Variants in CFDP1 observed in about 807,000 individuals in gnomAD.
CFDP1 encodes the protein heterochromatin-stabilizing protein CFDP1.
CFDP1 carries 31 observed loss-of-function variants against 40.1 expected under a neutral mutation model. The ratio of observed to expected loss-of-function variants is 0.77; its 90% CI spans 0.58 to 1.04. CFDP1 has a LOEUF of 1.04. Ranked by LOEUF, CFDP1 falls within the 50% of genes least tolerant of loss-of-function variation. The pLI is 0.00. For missense variants in CFDP1, 423 were observed against 343.4 expected, an observed-to-expected ratio of 1.23 and a Z score of -1.83; for synonymous variants, 167 against 120.0, an observed-to-expected ratio of 1.39 and a Z score of -2.56.
At chr16:75,408,173 G>A (rs920538278) in intron 4 of CFDP1, among the ~76,000 whole-genome samples, 12 of 151,950 alleles carry the variant, frequency 7.9e-5, no homozygotes, top group African/African-American at 2.4e-4. Context: ...AAGAACGCAC[G>A]CACAGTACAT....
intron 4 of CFDP1, among the ~76,000 whole-genome samples, chr16:75,407,046 A>C (rs534605672): frequency 6.6e-6 from 1 of 152,214 alleles, no homozygotes; most frequent in East Asian, 1.9e-4. Flanking sequence ...CAAACAAATA[A>C]ATGAAATAAA....
intron 5 of CFDP1, among the ~76,000 whole-genome samples, chr16:75,350,204 ATG>A (rs2078601038): frequency 6.6e-6 from 1 of 152,194 alleles, no homozygotes; most frequent in East Asian, 1.9e-4. Context: ...CTATGAACAT[ATG>A]TGTGCAAGTT....
intron 5 of CFDP1, among the ~76,000 whole-genome samples, chr16:75,311,110 A>C (rs2078290493): frequency 6.6e-6 from 1 of 152,222 alleles, no homozygotes; most frequent in African/African-American, 2.4e-5. Context: ...AGGGATGTTT[A>C]GTCCAACCTC....
intron 6 of CFDP1, among the ~76,000 whole-genome samples, chr16:75,299,283 G>A (rs1397155999): frequency 6.6e-6 from 1 of 152,082 alleles, no homozygotes; most frequent in Non-Finnish European, 1.5e-5. Flanking sequence ...TTCTTTTCTG[G>A]GTGATTAATT....
intron 5 of CFDP1, among the ~76,000 whole-genome samples, chr16:75,341,517 T>C (rs1276228800): frequency 6.6e-6 from 1 of 152,166 alleles, no homozygotes; most frequent in Non-Finnish European, 1.5e-5. Context: ...AGAGATTGGC[T>C]AGATTAGCAG....
At chr16:75,306,436 G>C (rs2078257841) in intron 5 of CFDP1, 1 of 152,246 alleles carries the variant, frequency 6.6e-6, no homozygotes, top group Non-Finnish European at 1.5e-5. Context: ...CTGAACACCA[G>C]ACTGCTGGGA....
intron 5 of CFDP1, among the ~76,000 whole-genome samples, chr16:75,371,258 T>C (rs2078749204): frequency 6.6e-6 from 1 of 152,200 alleles, no homozygotes; most frequent in Non-Finnish European, 1.5e-5. Flanking sequence ...CAACCAGAAA[T>C]GTCTCTAGAC....
intron 1 of CFDP1, among the ~76,000 whole-genome samples, chr16:75,419,427 C>A (rs937109907): frequency 6.6e-6 from 1 of 152,108 alleles, no homozygotes; most frequent in Non-Finnish European, 1.5e-5. Flanking sequence ...TACAGAAGAA[C>A]CACAGAATTA....
At chr16:75,423,466 A>G (rs2079302186) in intron 1 of CFDP1, among the ~76,000 whole-genome samples, 1 of 151,770 alleles carries the variant, frequency 6.6e-6, no homozygotes, top group East Asian at 1.9e-4. Flanking sequence ...AGCTGGGACT[A>G]ATTTTTGTAT....
At chr16:75,310,591 T>C (rs1458786767) in intron 5 of CFDP1, among the ~76,000 whole-genome samples, 2 of 152,228 alleles carry the variant, frequency 1.3e-5, no homozygotes, top group Non-Finnish European at 2.9e-5. Context: ...GTTGAGTCTG[T>C]CACAGAGATA....
chr16:75,354,131 A>G (rs1376090787), intron 5 of CFDP1, among the ~76,000 whole-genome samples: 1 of 152,234 alleles, frequency 6.6e-6, no homozygotes, highest in African/African-American at 2.4e-5. Context: ...ACTTTGTGTT[A>G]CATGATTTTG....
chr16:75,296,303 G>A (rs1222288196), intron 6 of CFDP1, among the ~76,000 whole-genome samples: 1 of 152,092 alleles, frequency 6.6e-6, no homozygotes, highest in Non-Finnish European at 1.5e-5. Context: ...GTGCAGTGGT[G>A]CACAGTTCAC....
chr16:75,361,544 G>A (rs1425435742), intron 5 of CFDP1, among the ~76,000 whole-genome samples: 1 of 152,066 alleles, frequency 6.6e-6, no homozygotes, highest in Non-Finnish European at 1.5e-5. Flanking sequence ...TTGAACCTGG[G>A]AGGCGGAGGT....
chr16:75,411,794 C>G (rs141499460), intron 4 of CFDP1, 31 bp downstream of exon 4: 1 of 1,595,414 alleles, frequency 6.3e-7, no homozygotes, highest in Non-Finnish European at 8.5e-7. Context: ...TTTGAAAATG[C>G]TAGTTTCAAA....
chr16:75,432,944 T>C (rs2079441468), intron 1 of CFDP1, among the ~76,000 whole-genome samples: 2 of 152,110 alleles, frequency 1.3e-5, no homozygotes, highest in African/African-American at 4.8e-5. Flanking sequence ...GAAAAAAACC[T>C]CCAAGGCTCG....
At chr16:75,311,434 C>T (rs1340622146) in intron 5 of CFDP1, among the ~76,000 whole-genome samples, 1 of 152,158 alleles carries the variant, frequency 6.6e-6, no homozygotes, top group Non-Finnish European at 1.5e-5. Flanking sequence ...CCACTATGCC[C>T]AATCTACTAC....
intron 5 of CFDP1, among the ~76,000 whole-genome samples, chr16:75,315,294 T>C (rs1213846081): frequency 3.6e-5 from 4 of 110,340 alleles, no homozygotes; most frequent in South Asian, 3.3e-4. Context: ...ATCATGCCAC[T>C]ACACACCAGC....
intron 5 of CFDP1, chr16:75,306,655 G>T (rs991079243): frequency 2.0e-5 from 3 of 152,308 alleles, no homozygotes; most frequent in South Asian, 2.1e-4. Flanking sequence ...AATAGACAAT[G>T]CAGATCCGGG....
intron 5 of CFDP1, among the ~76,000 whole-genome samples, chr16:75,356,313 G>A (rs576105999): frequency 6.6e-6 from 1 of 152,306 alleles, no homozygotes; most frequent in Admixed American, 6.5e-5. Flanking sequence ...GCTGCAGAAT[G>A]GATGTTAACA....
Sources: allele counts gnomAD v4.1 joint callset (sites outside exome capture counted in the v4.1 genomes callset), GRCh38; gene constraint gnomAD v4.1.1; transcripts MANE v1.5; gene names NCBI Gene and HGNC (gene_info 2026-07-23, HGNC 2026-07-21).